Variants in PLCL1 observed in about 807,000 individuals in gnomAD.
The protein encoded by PLCL1 is inactive phospholipase C-like protein 1.
In PLCL1, 41 loss-of-function variants were observed where a neutral mutation model predicts 84.4. The ratio of observed to expected loss-of-function variants is 0.49; its 90% CI spans 0.38 to 0.63. The LOEUF is 0.63. PLCL1 is among the 30% of genes least tolerant of loss of function. The pLI is 0.00. For synonymous variants in PLCL1, 490 were observed against 488.3 expected (o/e 1.00, Z -0.05); for missense variants, 1,206 against 1,367.8 (o/e 0.88, Z 1.87).
At chr2:197,957,845 A>T (rs532861784) in intron 1 of PLCL1, among the ~76,000 whole-genome samples, 1 of 152,036 alleles carries the variant, frequency 6.6e-6, no homozygotes, top group South Asian at 2.1e-4. Context: ...GGTTTCCATT[A>T]TTTTTATTTT....
intron 1 of PLCL1, among the ~76,000 whole-genome samples, chr2:197,971,004 G>A (rs74716685): frequency 0.035 from 5,278 of 152,262 alleles, 161 homozygotes; most frequent in Admixed American, 0.084. Flanking sequence ...GCTATAATAA[G>A]AAGGCTGGGG....
chr2:197,988,174 A>C (rs763835152), intron 1 of PLCL1, among the ~76,000 whole-genome samples: 1 of 152,184 alleles, frequency 6.6e-6, no homozygotes, highest in Non-Finnish European at 1.5e-5. Flanking sequence ...GGTGGGACCT[A>C]CCCAGTGATA....
Position 197,955,994 on chromosome 2 carries a change from C to T in PLCL1, c.241-127764C>T, listed in dbSNP as rs554396409. ...TTGCCCCCCATCCTCTGACAGGCCC[C>T]GGTGTGTGATGTTCCCCTCCCTGTG... is the stretch of plus-strand genomic sequence containing the variant. On this transcript the variant is annotated intron_variant, in intron 1 of 5. Coordinates refer to ENST00000428675, the MANE Select transcript of PLCL1 (RefSeq NM_006226.4). Among the ~76,000 whole-genome samples, 18 of 150,074 alleles carry T rather than the reference C, an allele frequency of 1.2e-4. No individual in the cohort carries two copies. In the South Asian group the frequency reaches 1.9e-3, roughly 16 times the overall value.
chr2:198,089,367 A>G (rs1692964129), intron 3 of PLCL1, among the ~76,000 whole-genome samples: 1 of 152,220 alleles, frequency 6.6e-6, no homozygotes, highest in Non-Finnish European at 1.5e-5. Context: ...AGAGTGCAAT[A>G]TAACCATTTA....
chr2:198,040,635 T>A (rs1362622398), intron 1 of PLCL1, among the ~76,000 whole-genome samples: 2 of 152,172 alleles, frequency 1.3e-5, no homozygotes, highest in Non-Finnish European at 2.9e-5. Context: ...TGAAAGGTTC[T>A]CTTCATTTGG....
chr2:197,973,501 A>G (rs1559061074), intron 1 of PLCL1, among the ~76,000 whole-genome samples: 1 of 152,244 alleles, frequency 6.6e-6, no homozygotes, highest in African/African-American at 2.4e-5. Flanking sequence ...AAATAATAAA[A>G]AAGTATAATT....
At chr2:197,910,961 T>C (rs573499037) in intron 1 of PLCL1, among the ~76,000 whole-genome samples, 151 of 152,326 alleles carry the variant, frequency 9.9e-4, no homozygotes, top group African/African-American at 3.6e-3. Flanking sequence ...GGACAGGATG[T>C]TTATTTAAAG....
chr2:198,143,154 C>T (rs370741545), intron 5 of PLCL1, among the ~76,000 whole-genome samples: 18 of 152,002 alleles, frequency 1.2e-4, no homozygotes, highest in African/African-American at 4.1e-4. Context: ...GCTTGGCTGA[C>T]CTGAATACCA....
chr2:197,895,597 A>G (rs1688119768), intron 1 of PLCL1, among the ~76,000 whole-genome samples: 1 of 151,956 alleles, frequency 6.6e-6, no homozygotes, highest in African/African-American at 2.4e-5. Context: ...CAGAACATTT[A>G]TATATATGTA....
chr2:197,941,879 C>A (rs554876144), intron 1 of PLCL1, among the ~76,000 whole-genome samples: 1 of 152,182 alleles, frequency 6.6e-6, no homozygotes, highest in East Asian at 1.9e-4. Context: ...AGCTTAGCTA[C>A]CCACAGAGAT....
intron 1 of PLCL1, among the ~76,000 whole-genome samples, chr2:198,036,527 T>C (rs750530241): frequency 6.6e-6 from 1 of 152,170 alleles, no homozygotes; most frequent in Non-Finnish European, 1.5e-5. Flanking sequence ...TGAGAGTCTA[T>C]TGGGGGCAAA....
chr2:198,049,337 A>G lies in PLCL1; in HGVS notation c.241-34421A>G, dbSNP rs140344439. ...TGACCCTTTGTTCTAAATCTTTTAT[A>G]GAAGAGTGTAGGATGTAGATAGGAA... On this transcript the variant is annotated intron_variant, in intron 1 of 5. Transcript: ENST00000428675. Among the ~76,000 whole-genome samples, 128 of 152,346 alleles carry G rather than the reference A, an allele frequency of 8.4e-4. 1 individual carries two copies. The highest frequency in any genetic ancestry group is 6.2e-4 in the South Asian group (3 of 4,828).
chr2:197,875,495 T>C (rs945015241), intron 1 of PLCL1, among the ~76,000 whole-genome samples: 1 of 152,102 alleles, frequency 6.6e-6, no homozygotes, highest in Non-Finnish European at 1.5e-5. Flanking sequence ...ACCTGGTTGA[T>C]GGCTAGTAAG....
chr2:198,007,330 C>G (rs1480514535), intron 1 of PLCL1, among the ~76,000 whole-genome samples: 1 of 151,828 alleles, frequency 6.6e-6, no homozygotes, highest in African/African-American at 2.4e-5. Flanking sequence ...TTTTAACCAC[C>G]CCACCCCCCT....
intron 1 of PLCL1, among the ~76,000 whole-genome samples, chr2:197,939,434 G>A (rs973591515): frequency 6.6e-6 from 1 of 152,124 alleles, no homozygotes; most frequent in Non-Finnish European, 1.5e-5. Context: ...TGACTTAAAC[G>A]ACAGAAGTTG....
intron 3 of PLCL1, among the ~76,000 whole-genome samples, chr2:198,099,123 A>G (rs570207726): frequency 1.5e-4 from 23 of 152,288 alleles, no homozygotes; most frequent in African/African-American, 5.3e-4. Context: ...TCAGATATGT[A>G]AATCAGGCCA....
intron 5 of PLCL1, among the ~76,000 whole-genome samples, chr2:198,117,487 C>G (rs4850820): frequency 0.84 from 126,601 of 151,608 alleles, 53,616 homozygotes; most frequent in East Asian, 1. Flanking sequence ...TGGATGGGCA[C>G]AATTTGAACA....
chr2:197,920,147 C>T (rs1052183739), intron 1 of PLCL1, among the ~76,000 whole-genome samples: 4 of 151,898 alleles, frequency 2.6e-5, no homozygotes, highest in African/African-American at 7.3e-5. Flanking sequence ...ATCAGTGGTC[C>T]GTCAAATTAA....
intron 5 of PLCL1, among the ~76,000 whole-genome samples, chr2:198,126,259 C>A (rs774016089): frequency 2.6e-5 from 4 of 152,226 alleles, no homozygotes; most frequent in Middle Eastern, 3.4e-3. Flanking sequence ...TCTGTGCTTA[C>A]CCCCCAACTC....
Sources: gnomAD v4.1 joint callset for allele counts (sites outside exome capture counted in the v4.1 genomes callset) on GRCh38, gnomAD v4.1.1 for gene constraint, MANE v1.5 for transcripts, NCBI Gene and HGNC (gene_info 2026-07-23, HGNC 2026-07-21) for gene names.